WASHC4: variants seen among roughly 807,000 people sequenced by gnomAD.
WASHC4 encodes the protein WASH complex subunit 4, also known as WASH complex subunit 7.
WASHC4 carries 86 observed loss-of-function variants against 166.6 expected under a neutral mutation model. That is an observed-to-expected ratio of 0.52 (90% confidence interval 0.43 to 0.62). The LOEUF is 0.62. Ranked by LOEUF, WASHC4 falls within the 20% of genes least tolerant of loss-of-function variation. The pLI is 0.00. For missense variants in WASHC4, 1,262 were observed against 1,382.4 expected (o/e 0.91, Z 1.38); for synonymous variants, 446 against 451.6 (o/e 0.99, Z 0.16).
chr12:105,123,293 G>A (rs187179150), intron 10 of WASHC4, among the ~76,000 whole-genome samples: 149 of 152,246 alleles, frequency 9.8e-4, no homozygotes, highest in African/African-American at 3.5e-3. Context: ...CAGCTTGGGC[G>A]ACGAGGGAGA....
intron 30 of WASHC4, among the ~76,000 whole-genome samples, chr12:105,163,586 C>T (rs554717134): frequency 1.3e-5 from 2 of 152,140 alleles, no homozygotes; most frequent in South Asian, 2.1e-4. Context: ...ACTGCAGCCT[C>T]GACCTCCTGG....
At chr12:105,146,356 A>T in intron 22 of WASHC4, 96 bp from the exon 23 acceptor site, 1 of 775,166 alleles carries the variant, frequency 1.3e-6, no homozygotes, top group Non-Finnish European at 2.2e-6. Flanking sequence ...AAAAATTATT[A>T]GGAAACAGTA....
At chr12:105,166,661 A>G (rs527858668) in intron 32 of WASHC4, among the ~76,000 whole-genome samples, 4 of 152,300 alleles carry the variant, frequency 2.6e-5, no homozygotes, top group African/African-American at 9.6e-5. Context: ...AAACCAGTGG[A>G]AACAATTGCA....
At chr12:105,162,584 G>A (rs1314892594) in intron 29 of WASHC4, among the ~76,000 whole-genome samples, 165 bp from the exon 30 acceptor site, 1 of 152,166 alleles carries the variant, frequency 6.6e-6, no homozygotes, top group Non-Finnish European at 1.5e-5. Context: ...TCTTCACCAA[G>A]AGGGTACCTA....
rs1880702620 is a variant in WASHC4, at chr12:105,121,142, C to A, written c.603C>A (p.Leu201=). ...TGGGAGAACTGCTAACAGTTTTGCT[C>A]ACCCTGGATGAAATTATTGATAATC... ...EHLGELLTVL[L]TLDEIIDNHI... The change falls in exon 9 of 33, where the codon CTC becomes CTA. Residue 201 remains leucine, a synonymous_variant. Transcript: ENST00000332180. 1.2e-6 allele frequency: 2 copies of A among 1,613,118 alleles called. No individual in the cohort carries two copies. The highest frequency in any genetic ancestry group is 1.7e-6 in the Non-Finnish European group (2 of 1,179,436).
intron 4 of WASHC4, among the ~76,000 whole-genome samples, chr12:105,114,846 T>G (rs1169157648): frequency 6.6e-6 from 1 of 152,096 alleles, no homozygotes; most frequent in African/African-American, 2.4e-5. Flanking sequence ...ATTAAAAGTC[T>G]GGTAGAAGTT....
At chr12:105,148,461 TTCA>T (rs1883488908) in intron 24 of WASHC4, 1 of 985,258 alleles carries the variant, frequency 1.0e-6, no homozygotes, top group African/African-American at 1.7e-5. Flanking sequence ...GATATAGATG[TTCA>T]TCAGTTAATT....
intron 12 of WASHC4, 49 bp from the exon 13 acceptor site, chr12:105,127,080 G>C: frequency 6.5e-7 from 1 of 1,529,812 alleles, no homozygotes. Flanking sequence ...ACAGCTTGTT[G>C]TTTAGCCTGC....
chr12:105,111,100 A>G (rs1184600723), intron 1 of WASHC4, 25 bp from the exon 2 acceptor site: 1 of 1,565,018 alleles, frequency 6.4e-7, no homozygotes. Context: ...CACTTATCAC[A>G]TACTGTTTTA....
rs1395456540 is a variant in WASHC4 at position 105,107,750 on chromosome 12, T to C, written c.-51T>C. The C allele has an allele frequency of 7.2e-7, 1 of 1,397,426 alleles. No individual in the cohort carries two copies. The highest frequency in any genetic ancestry group is 9.9e-7 in the Non-Finnish European group (1 of 1,011,012). The allele number at this position is 1,397,426 out of a possible 1,614,324, so 86.6% of individuals were successfully genotyped here. A position where few individuals can be genotyped will look rare whatever the true frequency, so the allele number is the denominator to read the frequency against. ...TGTGACAGTAGCTGGGGTGAGGCCG[T>C]CGTCGCCGCACGGGCTGGTTGGGGC... On this transcript the variant is annotated 5_prime_UTR_variant, in exon 1 of 33. Coordinates refer to ENST00000332180, the MANE Select transcript of WASHC4 (RefSeq NM_015275.3).
intron 18 of WASHC4, 55 bp downstream of exon 18, chr12:105,141,301 T>C (rs375800365): frequency 1.7e-6 from 2 of 1,184,888 alleles, no homozygotes; most frequent in Admixed American, 1.7e-5. Context: ...AATAGAAACA[T>C]TGATTTTCTT....
chr12:105,150,681 G>A (rs943798929), intron 25 of WASHC4, among the ~76,000 whole-genome samples: 7 of 152,296 alleles, frequency 4.6e-5, no homozygotes, highest in African/African-American at 7.2e-5. Flanking sequence ...ATGCTCAGGA[G>A]GCTGAGTGTA....
chr12:105,123,116 C>A (rs369051122), intron 10 of WASHC4, among the ~76,000 whole-genome samples: 2 of 152,186 alleles, frequency 1.3e-5, no homozygotes, highest in Non-Finnish European at 2.9e-5. Context: ...GAGTTCAAGA[C>A]CAGCCTGGCC....
At chr12:105,154,413 C>CT (rs1178366683) in intron 26 of WASHC4, among the ~76,000 whole-genome samples, 3 of 152,176 alleles carry the variant, frequency 2.0e-5, no homozygotes, top group Non-Finnish European at 4.4e-5. Context: ...TGTAAAGAAT[C>CT]TGGGAGCAAA....
intron 7 of WASHC4, among the ~76,000 whole-genome samples, chr12:105,119,006 A>G (rs926303568): frequency 6.6e-6 from 1 of 152,246 alleles, no homozygotes; most frequent in Non-Finnish European, 1.5e-5. Flanking sequence ...AAATTTATTT[A>G]AATTAAAAAA....
intron 7 of WASHC4, among the ~76,000 whole-genome samples, chr12:105,119,331 AT>A (rs1468066536): frequency 3.3e-5 from 5 of 152,186 alleles, no homozygotes; most frequent in Admixed American, 6.5e-5. Flanking sequence ...TATACTTAAA[AT>A]TTTTTTTCCA....
Position 105,143,141 on chromosome 12 carries a change from T to C in WASHC4, c.1908T>C (p.Ala636=), listed in dbSNP as rs541308195. The change falls in exon 20 of 33, where the codon GCT becomes GCC. Residue 636 remains alanine, a synonymous_variant. Transcript: ENST00000332180. ...TTTCTTCTTAGTACATGTTCAGTGC[T>C]TTGCGCGACTGTGTACCTGCTATGA... is the stretch of plus-strand genomic sequence containing the variant. ...DAARLHYMFS[A]LRDCVPAMMH... is the part of the protein sequence containing the mutation. The C allele has an allele frequency of 6.2e-7, 1 of 1,608,694 alleles. No homozygotes were observed. Among genetic ancestry groups the C allele is most frequent in the South Asian group, 1.1e-5 (1 of 90,918 alleles).
Position 105,167,230 on chromosome 12 carries a change from G to GA in WASHC4, c.*300dup. On this transcript the variant is annotated 3_prime_UTR_variant, in exon 33 of 33. Transcript: ENST00000332180. ...TCCAGATTCATAAACTATCACCTCGGATTTCTTGTAATCTACATGTTTGTA... is the reference window on the plus strand; with the variant it reads ...TCCAGATTCATAAACTATCACCTCGGAATTTCTTGTAATCTACATGTTTGTA... 2.8e-6 allele frequency: 1 copy of GA among 354,404 alleles called. No homozygotes were observed. The highest frequency in any genetic ancestry group is 5.3e-6 in the Non-Finnish European group (1 of 189,776). The allele number at this position is 354,404 out of a possible 1,614,324, so 22.0% of individuals were successfully genotyped here.
chr12:105,109,915 A>T (rs1879500251), intron 1 of WASHC4, among the ~76,000 whole-genome samples: 1 of 152,162 alleles, frequency 6.6e-6, no homozygotes, highest in Non-Finnish European at 1.5e-5. Context: ...ATTGTCTTTA[A>T]GAAGTCATTT....
Sources: gnomAD v4.1 joint callset for allele counts (sites outside exome capture counted in the v4.1 genomes callset) on GRCh38, gnomAD v4.1.1 for gene constraint, MANE v1.5 for transcripts, NCBI Gene and HGNC (gene_info 2026-07-23, HGNC 2026-07-21) for gene names.